TMEM39A: variants seen among roughly 807,000 people sequenced by gnomAD.
TMEM39A encodes the protein transmembrane protein 39A.
A neutral mutation model predicts 51.9 loss-of-function variants in TMEM39A; 19 were observed. That is an observed-to-expected ratio of 0.37 (90% CI 0.26 to 0.54). The LOEUF is 0.54. TMEM39A is among the 20% of genes least tolerant of loss of function. The probability of loss-of-function intolerance (pLI) is 0.88; values close to 1 mark genes in which losing one functional copy is unlikely to be tolerated. For synonymous variants in TMEM39A, 197 were observed against 220.2 expected, an observed-to-expected ratio of 0.89 and a Z score of 0.93; for missense variants, 433 against 590.5, an observed-to-expected ratio of 0.73 and a Z score of 2.76.
At chr3:119,447,515 A>T (rs1163485396) in intron 4 of TMEM39A, among the ~76,000 whole-genome samples, 1 of 152,236 alleles carries the variant, frequency 6.6e-6, no homozygotes, top group Non-Finnish European at 1.5e-5. Flanking sequence ...CTAATTGGAC[A>T]TGTAAACTCC....
chr3:119,447,601 TTTTA>T (rs756601282), intron 4 of TMEM39A, among the ~76,000 whole-genome samples: 28 of 152,064 alleles, frequency 1.8e-4, no homozygotes, highest in East Asian at 3.9e-4. Context: ...TTAACCAGTG[TTTTA>T]TTTATTTATT....
At chr3:119,446,913 A>C in intron 5 of TMEM39A, 105 bp downstream of exon 5, 1 of 1,287,170 alleles carries the variant, frequency 7.8e-7, no homozygotes, top group South Asian at 1.5e-5. Context: ...TAAATGCTTC[A>C]TTTATATTTG....
intron 1 of TMEM39A, 114 bp downstream of exon 1, chr3:119,463,222 T>C (rs912700671): frequency 5.2e-6 from 1 of 192,540 alleles, no homozygotes; most frequent in Non-Finnish European, 1.1e-5. Flanking sequence ...TTCAACAGAC[T>C]GGTCCCTAAG....
In TMEM39A at chr3:119,438,081, A is replaced by G. The variant is rs777545740; in HGVS notation, c.598T>C (p.Cys200Arg). ...GYPFGVYVPL[C>R]CFHQDSRAHL... ...GCTCTACTATCTTGATGAAAACAGC[A>G]AAGAGGAACATAAACACCAAACCTG... The change falls in exon 6 of 9, where the codon TGC becomes CGC. Residue 200 changes from cysteine to arginine, a missense_variant. Cys to Arg is a radical substitution (Grantham distance 180). Transcript: ENST00000319172. 1.9e-6 allele frequency: 3 copies of G among 1,590,284 alleles called. No individual in the cohort carries two copies. Among genetic ancestry groups the G allele is most frequent in the African/African-American group, 2.7e-5 (2 of 74,506 alleles).
chr3:119,437,030 C>A (rs1285265981), intron 6 of TMEM39A, 52 bp from the exon 7 acceptor site: 2 of 1,548,736 alleles, frequency 1.3e-6, no homozygotes, highest in South Asian at 1.2e-5. Context: ...TAAAAAGAGG[C>A]AGGGATGGGT....
chr3:119,436,960 T>TGG lies in TMEM39A; in HGVS notation c.942_943insCC (p.Met315ProfsTer105). 6.2e-7 allele frequency: 1 copy of TGG among 1,613,640 alleles called. No individual in the cohort carries two copies. The highest frequency in any genetic ancestry group is 1.1e-5 in the South Asian group (1 of 91,062). On this transcript the variant is annotated frameshift_variant, in exon 7 of 9. Transcript: ENST00000319172. LOFTEE classifies it high-confidence loss of function. ...ATGAGGTGCTCACATGACCAGCGCA[T>TGG]GTCATAGTACTGGGTACTCTGGAAG...
At position 119,444,485 on chromosome 3, in the gene TMEM39A, C is replaced by A. The variant is rs117497662; in HGVS notation, c.575+2533G>T. Among the ~76,000 whole-genome samples, 103 of 152,260 alleles carry A rather than the reference C, an allele frequency of 6.8e-4. 1 individual carries two copies. The East Asian group carries it at 0.013, about 19-fold the overall frequency. ...TTCAGTTGATGAGTGACTTAAATAA[C>A]TGTTTAAACAATGTAATCAGACCTA... On this transcript the variant is annotated intron_variant, in intron 5 of 8. Transcript: ENST00000319172.
chr3:119,452,418 G>A (rs2081212483), intron 4 of TMEM39A, 29 bp downstream of exon 4: 1 of 1,571,498 alleles, frequency 6.4e-7, no homozygotes, highest in Non-Finnish European at 8.7e-7. Flanking sequence ...CTAGCTACAT[G>A]TGATAGAATA....
chr3:119,463,579 T>C lies in TMEM39A; in HGVS notation c.-318A>G, dbSNP rs1577070517. On this transcript the variant is annotated 5_prime_UTR_variant, in exon 1 of 9. It removes the in-frame stop codon of an upstream open reading frame in the 5' UTR. Coordinates refer to ENST00000319172, the MANE Select transcript of TMEM39A (RefSeq NM_018266.3). ...AAAGCTAGAGCCAGAGCCTGATACT[T>C]CAGCACCCATCCCTAGCCTCCATTA... 2 of 398,674 alleles carry C rather than the reference T, an allele frequency of 5.0e-6. No homozygotes were observed. Among genetic ancestry groups the C allele is most frequent in the South Asian group, 1.3e-4 (1 of 7,876 alleles). The allele number at this position is 398,674 out of a possible 1,614,324, so 24.7% of individuals were successfully genotyped here.
Position 119,446,048 on chromosome 3 carries a change from A to G in TMEM39A, c.575+970T>C, listed in dbSNP as rs547890800. Among the ~76,000 whole-genome samples, 105 of 152,318 alleles carry G rather than the reference A, an allele frequency of 6.9e-4. 1 individual carries two copies. Among genetic ancestry groups the G allele is most frequent in the Admixed American group, 2.0e-3 (31 of 15,310 alleles). ...CCTATACTATATACACATACATACA[A>G]TAAAGTTTTAACTTATAAATTAGGT... On this transcript the variant is annotated intron_variant, in intron 5 of 8. Transcript: ENST00000319172.
At chr3:119,440,185 G>GA (rs2081032280) in intron 5 of TMEM39A, among the ~76,000 whole-genome samples, 1 of 152,200 alleles carries the variant, frequency 6.6e-6, no homozygotes, top group South Asian at 2.1e-4. Flanking sequence ...TAGAGGTGGG[G>GA]ATAAGAGGCT....
intron 3 of TMEM39A, among the ~76,000 whole-genome samples, 185 bp from the exon 4 acceptor site, chr3:119,452,715 G>A (rs1289609280): frequency 6.6e-6 from 1 of 152,062 alleles, no homozygotes; most frequent in Non-Finnish European, 1.5e-5. Context: ...ATAACAAATT[G>A]CTTTAAGTTT....
chr3:119,463,087 C>T (rs1379081438), intron 1 of TMEM39A, among the ~76,000 whole-genome samples: 2 of 152,198 alleles, frequency 1.3e-5, no homozygotes, highest in African/African-American at 4.8e-5. Context: ...GCATTCAAAC[C>T]GCTGGATGCA....
intron 2 of TMEM39A, 92 bp downstream of exon 2, chr3:119,461,870 A>G (rs1361277052): frequency 9.8e-6 from 10 of 1,017,692 alleles, no homozygotes; most frequent in South Asian, 1.8e-5. Flanking sequence ...ATAAATCTCA[A>G]TAAGCAAATA....
At chr3:119,447,230 T>G in intron 4 of TMEM39A, 58 bp from the exon 5 acceptor site, 1 of 1,565,510 alleles carries the variant, frequency 6.4e-7, no homozygotes, top group Non-Finnish European at 8.7e-7. Context: ...TCAAAAGCAT[T>G]GTAATTCAAG....
rs748913521 is a variant in TMEM39A at position 119,429,308 on chromosome 3, A to C, written c.*2673T>G. ...AGGAATATAAACATGGAATCAGAGT[A>C]AACAGGATATTGAGGAAAACTTCTG... On this transcript the variant is annotated 3_prime_UTR_variant, in exon 9 of 9. Transcript: ENST00000319172. 6.6e-6 allele frequency among the ~76,000 whole-genome samples: 1 copy of C among 152,104 alleles called. No individual in the cohort carries two copies. Among genetic ancestry groups the C allele is most frequent in the Non-Finnish European group, 1.5e-5 (1 of 67,982 alleles).
At chr3:119,444,540 C>T (rs1300579117) in intron 5 of TMEM39A, among the ~76,000 whole-genome samples, 1 of 152,190 alleles carries the variant, frequency 6.6e-6, no homozygotes, top group Non-Finnish European at 1.5e-5. Flanking sequence ...AAGACTGTTC[C>T]TGTCATCCTT....
intron 4 of TMEM39A, among the ~76,000 whole-genome samples, chr3:119,450,234 C>G (rs2107679460): frequency 6.6e-6 from 1 of 152,306 alleles, no homozygotes; most frequent in East Asian, 1.9e-4. Flanking sequence ...ACTGTGCAAC[C>G]TGTTATTAGT....
At chr3:119,438,758 T>C (rs2081009966) in intron 5 of TMEM39A, among the ~76,000 whole-genome samples, 1 of 152,214 alleles carries the variant, frequency 6.6e-6, no homozygotes, top group African/African-American at 2.4e-5. Context: ...TTACTTCAAA[T>C]GTCCCTTTCT....
Sources: gnomAD v4.1 joint callset for allele counts (sites outside exome capture counted in the v4.1 genomes callset) on GRCh38, gnomAD v4.1.1 for gene constraint, MANE v1.5 for transcripts, NCBI Gene and HGNC (gene_info 2026-07-23, HGNC 2026-07-21) for gene names.